The following CEP120 variants were observed in gnomAD, a reference collection of about 807,000 sequenced individuals.
CEP120 encodes centrosomal protein of 120 kDa.
CEP120 carries 113 observed loss-of-function variants against 126.5 expected under a neutral mutation model. The ratio of observed to expected loss-of-function variants is 0.89; its 90% CI spans 0.77 to 1.04. The LOEUF (loss-of-function observed/expected upper bound fraction) is 1.04, where lower values mean the gene tolerates loss of function less well. Among genes scored for constraint, CEP120 ranks in the 50% least tolerant of loss-of-function variants. CEP120 has a pLI of 0.00. For synonymous variants in CEP120, 400 were observed against 394.3 expected, an observed-to-expected ratio of 1.01 and a Z score of -0.17; for missense variants, 1,230 against 1,155.7, an observed-to-expected ratio of 1.06 and a Z score of -0.93.
intron 1 of CEP120, among the ~76,000 whole-genome samples, chr5:123,419,220 CTT>C (rs1247468517): frequency 1.3e-5 from 2 of 152,204 alleles, no homozygotes; most frequent in African/African-American, 2.4e-5. Flanking sequence ...GAATTAAACA[CTT>C]AATGTGATTA....
chr5:123,392,801 T>C (rs1302777346), intron 6 of CEP120, among the ~76,000 whole-genome samples: 2 of 152,214 alleles, frequency 1.3e-5, no homozygotes, highest in African/African-American at 2.4e-5. Context: ...TGAGCTACCA[T>C]GCTCCACCAA....
chr5:123,383,341 G>C (rs991661016), intron 11 of CEP120, among the ~76,000 whole-genome samples: 1 of 151,942 alleles, frequency 6.6e-6, no homozygotes, highest in Non-Finnish European at 1.5e-5. Flanking sequence ...AGGTATAAAG[G>C]TGAAATTTAA....
chr5:123,351,684 T>C (rs537036585), intron 18 of CEP120, among the ~76,000 whole-genome samples: 1 of 152,278 alleles, frequency 6.6e-6, no homozygotes, highest in East Asian at 1.9e-4. Context: ...CATCTAAACA[T>C]GAAATTCATT....
chr5:123,366,016 TAAAACACACTAACTTAAAAC>T (rs1226171564), intron 17 of CEP120, among the ~76,000 whole-genome samples: 1 of 12,726 alleles, frequency 7.9e-5, no homozygotes, highest in Non-Finnish European at 1.7e-4. Context: ...CACACTAACT[TAAAACACACTAACTTAAAAC>T]ACATGTATAG....
chr5:123,365,379 AACAG>A (rs985557576), intron 17 of CEP120, among the ~76,000 whole-genome samples: 1 of 151,770 alleles, frequency 6.6e-6, no homozygotes, highest in Non-Finnish European at 1.5e-5. Flanking sequence ...TCATGTAGCC[AACAG>A]ACAGTTTTAC....
intron 1 of CEP120, among the ~76,000 whole-genome samples, chr5:123,419,555 A>AAC (rs59246264): frequency 0.057 from 8,305 of 145,646 alleles, 289 homozygotes; most frequent in African/African-American, 0.1. Flanking sequence ...AACAAAAACA[A>AAC]AAAAAAAAAA....
chr5:123,394,163 T>C (rs750336810), intron 5 of CEP120, among the ~76,000 whole-genome samples: 2 of 152,228 alleles, frequency 1.3e-5, no homozygotes, highest in Non-Finnish European at 2.9e-5. Context: ...AAACATTTAA[T>C]GTGTTGATCA....
At chr5:123,374,476 ATGAG>A (rs1771066382) in intron 16 of CEP120, among the ~76,000 whole-genome samples, 1 of 148,996 alleles carries the variant, frequency 6.7e-6, no homozygotes, top group Non-Finnish European at 1.5e-5. Context: ...TCTTTTTTGA[ATGAG>A]TTTTTTTTTA....
chr5:123,360,780 C>G (rs187489657), intron 18 of CEP120, among the ~76,000 whole-genome samples: 1 of 151,598 alleles, frequency 6.6e-6, no homozygotes, highest in African/African-American at 2.4e-5. Flanking sequence ...TGCAGTGGAG[C>G]CTTTCACACT....
rs34074238 is a variant in CEP120, at chr5:123,407,105, TA to T, written c.463+5293del. 3.6e-3 allele frequency among the ~76,000 whole-genome samples: 444 copies of T among 124,728 alleles called. 3 individuals are homozygous for T. Among genetic ancestry groups the T allele is most frequent in the African/African-American group, 0.011 (392 of 34,104 alleles). 81.8% of individuals were successfully genotyped at this position (124,728 alleles called of 152,430 possible). A position where few individuals can be genotyped will look rare whatever the true frequency, so the allele number is the denominator to read the frequency against. On this transcript the variant is annotated intron_variant, in intron 4 of 19. Coordinates refer to ENST00000306467, the MANE Select transcript of CEP120 (RefSeq NM_001375405.1). The stretch of plus-strand genomic sequence containing the variant: ...AACTCTAGGGCAACCACTAAAAAAG[TA>T]AAAAAAAAAAAAACAAAAAACAAAA...
intron 18 of CEP120, among the ~76,000 whole-genome samples, chr5:123,362,776 A>G (rs1770182931): frequency 6.6e-6 from 1 of 151,418 alleles, no homozygotes; most frequent in Non-Finnish European, 1.5e-5. Flanking sequence ...TTTAAACACT[A>G]CCTCTGCAAA....
intron 17 of CEP120, among the ~76,000 whole-genome samples, chr5:123,364,890 T>C (rs1044823550): frequency 4.6e-5 from 7 of 151,766 alleles, no homozygotes; most frequent in East Asian, 1.9e-4. Context: ...ATAAAGATCA[T>C]AGAGTGAGAA....
At chr5:123,370,471 CTTTGTT>C (rs1424223026) in intron 17 of CEP120, among the ~76,000 whole-genome samples, 3 of 151,462 alleles carry the variant, frequency 2.0e-5, no homozygotes, top group South Asian at 2.1e-4. Context: ...CCTAATGCTA[CTTTGTT>C]TTTGTTTTTG....
chr5:123,399,388 G>T, intron 4 of CEP120, 104 bp from the exon 5 acceptor site: 1 of 1,065,370 alleles, frequency 9.4e-7, no homozygotes. Flanking sequence ...TAATTTTCAT[G>T]AATACAGTTA....
chr5:123,420,403 TA>T (rs901399515), intron 1 of CEP120, among the ~76,000 whole-genome samples: 6 of 152,156 alleles, frequency 3.9e-5, no homozygotes, highest in African/African-American at 1.4e-4. Context: ...GGTAAAAGCT[TA>T]ACCATTTTCT....
chr5:123,364,456 G>A (rs1253246889), intron 18 of CEP120, 40 bp downstream of exon 18: 7 of 1,367,592 alleles, frequency 5.1e-6, no homozygotes, highest in Non-Finnish European at 7.1e-6. Context: ...AAAGAAACAA[G>A]GGAAAAAGAT....
intron 9 of CEP120, among the ~76,000 whole-genome samples, chr5:123,387,576 T>C (rs1772112411): frequency 6.6e-6 from 1 of 152,066 alleles, no homozygotes; most frequent in African/African-American, 2.4e-5. Context: ...AAAAGTTAAG[T>C]GGCCAGCATT....
At chr5:123,402,020 C>G in intron 4 of CEP120, 2 of 1,607,048 alleles carry the variant, frequency 1.2e-6, no homozygotes, top group Non-Finnish European at 8.5e-7. Flanking sequence ...GGAACCGTAC[C>G]TTGTCTATGA....
At chr5:123,382,621 T>C (rs1013899856) in intron 13 of CEP120, 116 bp downstream of exon 13, 8 of 930,256 alleles carry the variant, frequency 8.6e-6, no homozygotes, top group African/African-American at 1.7e-5. Flanking sequence ...ATTGTTGACA[T>C]TCAAAGAAGT....
Sources: gnomAD v4.1 joint callset for allele counts (sites outside exome capture counted in the v4.1 genomes callset) on GRCh38, gnomAD v4.1.1 for gene constraint, MANE v1.5 for transcripts, NCBI Gene and HGNC (gene_info 2026-07-23, HGNC 2026-07-21) for gene names.